Variants in CEMIP observed in about 807,000 individuals in gnomAD.
The protein encoded by CEMIP is cell migration-inducing and hyaluronan-binding protein.
Under a neutral mutation model 156.9 loss-of-function variants are expected in CEMIP, and 105 were observed. The observed-to-expected ratio is 0.67, with a 90% CI of 0.57 to 0.79. The LOEUF is 0.79. Among genes scored for constraint, CEMIP ranks in the 30% least tolerant of loss-of-function variants. CEMIP has a pLI of 0.00. For missense variants in CEMIP, 1,457 were observed against 1,769.4 expected (o/e 0.82, Z 3.17); for synonymous variants, 676 against 668.4 (o/e 1.01, Z -0.17).
chr15:80,887,653 G>T, intron 7 of CEMIP, 41 bp from the exon 8 acceptor site: 1 of 1,510,518 alleles, frequency 6.6e-7, no homozygotes. Flanking sequence ...GTACAGACTC[G>T]TGCAGAACTT....
rs190634745 is a variant in CEMIP at position 80,873,465 on chromosome 15, G to A, written c.-175-73G>A. The A allele has an allele frequency of 3.9e-3, 1,096 of 281,082 alleles. 5 individuals carry two copies. The highest frequency in any genetic ancestry group is 6.1e-3 in the Non-Finnish European group (870 of 143,274). The allele number at this position is 281,082 out of a possible 1,614,324, so 17.4% of individuals were successfully genotyped here. A position where few individuals can be genotyped will look rare whatever the true frequency, so the allele number is the denominator to read the frequency against. ...AACAGATCATCTGAGATCACACAGC[G>A]AGTTGGTGGAATCTAATTCCCAGCT... On this transcript the variant is annotated intron_variant, in intron 1 of 29. Coordinates refer to ENST00000394685, the MANE Select transcript of CEMIP (RefSeq NM_001293298.2).
intron 1 of CEMIP, among the ~76,000 whole-genome samples, chr15:80,825,002 G>C (rs1241348839): frequency 6.6e-6 from 1 of 152,184 alleles, no homozygotes; most frequent in African/African-American, 2.4e-5. Context: ...GCTGTGAACT[G>C]TGAGCTTGAG....
rs138274350 is a variant in CEMIP, at chr15:80,850,315, C to T, written c.-175-23223C>T. On this transcript the variant is annotated intron_variant, in intron 1 of 29. Transcript: ENST00000394685. ...TTTTTGAGATAGAGTCCCACTCTGT[C>T]GCCTAGGCTGGAGTGCAGTAGCGCA... 3.8e-3 allele frequency among the ~76,000 whole-genome samples: 574 copies of T among 152,244 alleles called. 3 individuals are homozygous for T. Among genetic ancestry groups the T allele is most frequent in the African/African-American group, 0.012 (498 of 41,518 alleles).
rs1900970607 is a variant in CEMIP, at chr15:80,932,777, T to C, written c.2794-468T>C. ...TCTGCAAGGGCTCATGCTGCAAAAC[T>C]GTCTTCCTGAAACGTGCCACATGCA... On this transcript the variant is annotated intron_variant, in intron 22 of 29. Coordinates refer to ENST00000394685, the MANE Select transcript of CEMIP (RefSeq NM_001293298.2). This position sits in a 1 kb window ranked among gnomAD's most constrained non-coding sequence, Gnocchi z 4.5. Among the ~76,000 whole-genome samples, 1 of 152,218 alleles carries C rather than the reference T, an allele frequency of 6.6e-6. No homozygotes were observed. The highest frequency in any genetic ancestry group is 2.4e-5 in the African/African-American group (1 of 41,462).
rs183618193 is a variant in CEMIP, at chr15:80,917,894, C to G, written c.1798-2200C>G. On this transcript the variant is annotated intron_variant, in intron 14 of 29. Transcript: ENST00000394685. ...CAGCAAGATTAAAAGGTATAAGAGGCCAGTCCACTGCTGGGATATGGAGTG... is the reference window on the plus strand; with the variant it reads ...CAGCAAGATTAAAAGGTATAAGAGGGCAGTCCACTGCTGGGATATGGAGTG... Among the ~76,000 whole-genome samples the G allele has an allele frequency of 1.6e-3, 245 of 152,242 alleles. 2 individuals carry two copies. Among genetic ancestry groups the G allele is most frequent in the South Asian group, 2.3e-3 (11 of 4,814 alleles).
rs943514030 is a variant in CEMIP at position 80,872,738 on chromosome 15, C to A, written c.-175-800C>A. On this transcript the variant is annotated intron_variant, in intron 1 of 29. Transcript: ENST00000394685. ...GCTGAGGCAGGAGAATTGCTGGAAC[C>A]CAGGAGGTAGAGGTTGCAGTGAGCC... Among the ~76,000 whole-genome samples the A allele has an allele frequency of 3.1e-4, 47 of 152,172 alleles. 1 individual carries two copies. Among genetic ancestry groups the A allele is most frequent in the Non-Finnish European group, 4.6e-4 (31 of 67,980 alleles).
intron 1 of CEMIP, among the ~76,000 whole-genome samples, chr15:80,856,555 A>G (rs559550264): frequency 6.6e-6 from 1 of 152,308 alleles, no homozygotes; most frequent in East Asian, 1.9e-4. Context: ...GAAAGCGATT[A>G]TGTGGAATCC....
chr15:80,821,015 A>C (rs1399363681), intron 1 of CEMIP, among the ~76,000 whole-genome samples: 2 of 152,266 alleles, frequency 1.3e-5, no homozygotes, highest in Non-Finnish European at 2.9e-5. Context: ...TTTGCACTTC[A>C]TCATAAAGAT....
intron 1 of CEMIP, among the ~76,000 whole-genome samples, chr15:80,872,951 C>CA (rs1347738936): frequency 6.6e-6 from 1 of 152,238 alleles, no homozygotes; most frequent in Non-Finnish European, 1.5e-5. Flanking sequence ...ATCCTCAGTG[C>CA]ATGCATGGCT....
chr15:80,804,301 C>T (rs1896455869), intron 1 of CEMIP, among the ~76,000 whole-genome samples: 1 of 152,206 alleles, frequency 6.6e-6, no homozygotes, highest in South Asian at 2.1e-4. Flanking sequence ...CAGAAGAAAA[C>T]AATGGCTTTT....
chr15:80,857,423 C>T (rs80126360), intron 1 of CEMIP, among the ~76,000 whole-genome samples: 1,914 of 152,320 alleles, frequency 0.013, 40 homozygotes, highest in African/African-American at 0.045. Flanking sequence ...TTCATGGCAT[C>T]CTCTGTGTTT....
chr15:80,843,348 T>C (rs896109820), intron 1 of CEMIP, among the ~76,000 whole-genome samples: 2 of 152,260 alleles, frequency 1.3e-5, no homozygotes, highest in African/African-American at 4.8e-5. Flanking sequence ...AGACCTACTA[T>C]GAAGCTGGCA....
chr15:80,822,691 G>T (rs189501198), intron 1 of CEMIP, among the ~76,000 whole-genome samples: 1 of 152,160 alleles, frequency 6.6e-6, no homozygotes, highest in African/African-American at 2.4e-5. Flanking sequence ...AAGGTGGCTC[G>T]GTTTTCGTAG....
intron 1 of CEMIP, among the ~76,000 whole-genome samples, chr15:80,807,530 A>T (rs1271238609): frequency 6.6e-6 from 1 of 152,148 alleles, no homozygotes; most frequent in Non-Finnish European, 1.5e-5. Context: ...TGGCCTGAGG[A>T]GAGGATATTT....
intron 1 of CEMIP, among the ~76,000 whole-genome samples, chr15:80,851,396 G>A (rs554217790): frequency 7.9e-4 from 120 of 152,282 alleles, no homozygotes; most frequent in African/African-American, 2.8e-3. Context: ...AGCCTTTACT[G>A]AATCCCTATT....
At position 80,884,607 on chromosome 15, in the gene CEMIP, T is replaced by A. The variant is rs567335295; in HGVS notation, c.797+253T>A. On this transcript the variant is annotated intron_variant, in intron 7 of 29. Transcript: ENST00000394685. ...TCGCTGTTTATATGAACTCATTCAT[T>A]CAGTCGGCCACTTACAAAATATTAA... Among the ~76,000 whole-genome samples the A allele has an allele frequency of 2.0e-5, 3 of 152,370 alleles. No individual in the cohort carries two copies. In the South Asian group the frequency reaches 6.2e-4, roughly 32 times the overall value.
chr15:80,907,079 C>G (rs1191961822), intron 13 of CEMIP, among the ~76,000 whole-genome samples: 2 of 151,566 alleles, frequency 1.3e-5, no homozygotes, highest in East Asian at 3.9e-4. Context: ...CAGCTCTCTG[C>G]TCTCGGCCAC....
chr15:80,951,186 G>A lies in CEMIP; in HGVS notation c.*2262G>A, dbSNP rs1274751085. ...TTCTAATGCAAGGGTCTCACACTGT[G>A]AACCACTTAGGATGTGATCACTTTC... On this transcript the variant is annotated 3_prime_UTR_variant, in exon 30 of 30. Coordinates refer to ENST00000394685, the MANE Select transcript of CEMIP (RefSeq NM_001293298.2). The A allele has an allele frequency of 6.6e-6, 1 of 152,668 alleles. No individual in the cohort carries two copies. The highest frequency in any genetic ancestry group is 1.5e-5 in the Non-Finnish European group (1 of 68,052). 9.5% of individuals were successfully genotyped at this position (152,668 alleles called of 1,614,324 possible).
At chr15:80,852,486 G>A (rs1361356843) in intron 1 of CEMIP, among the ~76,000 whole-genome samples, 1 of 152,000 alleles carries the variant, frequency 6.6e-6, no homozygotes, top group Non-Finnish European at 1.5e-5. Context: ...CATTTTTGCT[G>A]TTACTTTTAA....
Sources: gnomAD v4.1 joint callset for allele counts (sites outside exome capture counted in the v4.1 genomes callset) on GRCh38, gnomAD v4.1.1 for gene constraint, Gnocchi (gnomAD v3.1) non-coding constraint, MANE v1.5 for transcripts, NCBI Gene and HGNC (gene_info 2026-07-23, HGNC 2026-07-21) for gene names.